Variants in SLC31A1 observed in about 807,000 individuals in gnomAD.
The protein encoded by SLC31A1 is high affinity copper uptake protein 1.
Under a neutral mutation model 17.2 loss-of-function variants are expected in SLC31A1, and 5 were observed. That is an observed-to-expected ratio of 0.29 (90% confidence interval 0.15 to 0.61). The LOEUF (loss-of-function observed/expected upper bound fraction) is 0.61, where lower values mean the gene tolerates loss of function less well. SLC31A1 is among the 20% of genes least tolerant of loss of function. SLC31A1 has a pLI of 0.86. For synonymous variants in SLC31A1, 76 were observed against 78.8 expected (o/e 0.96, Z 0.19); for missense variants, 161 against 241.4 (o/e 0.67, Z 2.21).
chr9:113,230,064 G>A (rs1225993122), intron 1 of SLC31A1, among the ~76,000 whole-genome samples: 6 of 152,218 alleles, frequency 3.9e-5, no homozygotes, highest in Admixed American at 6.5e-5. Flanking sequence ...AATTTATGTA[G>A]GGAGTGAAGA....
intron 1 of SLC31A1, among the ~76,000 whole-genome samples, chr9:113,229,326 C>T (rs1411471511): frequency 3.3e-5 from 5 of 152,202 alleles, no homozygotes; most frequent in Non-Finnish European, 7.3e-5. Flanking sequence ...TTCCCCCCAA[C>T]TCCCCTGCAG....
intron 1 of SLC31A1, among the ~76,000 whole-genome samples, chr9:113,244,103 C>T (rs1312909042): frequency 1.0e-4 from 14 of 134,960 alleles, no homozygotes; most frequent in Non-Finnish European, 2.0e-4. Flanking sequence ...TTCAGTGAGC[C>T]GAGATCATAC....
chr9:113,226,273 G>C (rs1175896419), intron 1 of SLC31A1, among the ~76,000 whole-genome samples: 3 of 152,136 alleles, frequency 2.0e-5, no homozygotes, highest in African/African-American at 7.2e-5. Context: ...AGGCCTGACT[G>C]GGGAAAAGGG....
intron 1 of SLC31A1, among the ~76,000 whole-genome samples, chr9:113,237,973 C>T (rs10081797): frequency 0.32 from 49,122 of 152,068 alleles, 8,068 homozygotes; most frequent in African/African-American, 0.35. Flanking sequence ...CATTGCTGAG[C>T]TCTCACAGAG....
intron 1 of SLC31A1, among the ~76,000 whole-genome samples, chr9:113,228,870 G>A (rs1003652322): frequency 6.6e-6 from 1 of 152,030 alleles, no homozygotes; most frequent in Non-Finnish European, 1.5e-5. Flanking sequence ...TTTTGAGTTG[G>A]AGTTTCGCTC....
Position 113,238,506 on chromosome 9 carries a change from A to C in SLC31A1, c.-36+16828A>C, listed in dbSNP as rs367880456. ...GCTGGGTGCGGTGGTTCACACCTTA[A>C]ATCCCAGCACTTTGAGGGGCCGAGG... On this transcript the variant is annotated intron_variant, in intron 1 of 4. Transcript: ENST00000374212. Among the ~76,000 whole-genome samples the C allele has an allele frequency of 1.1e-4, 17 of 152,318 alleles. No homozygotes were observed. In the East Asian group the frequency reaches 3.1e-3, roughly 28 times the overall value.
At chr9:113,237,355 G>A (rs1363140187) in intron 1 of SLC31A1, among the ~76,000 whole-genome samples, 1 of 152,150 alleles carries the variant, frequency 6.6e-6, no homozygotes, top group Non-Finnish European at 1.5e-5. Context: ...AGAGCACTAG[G>A]ATAGCTTGAC....
At position 113,258,882 on chromosome 9, in the gene SLC31A1, A is replaced by G. The variant is rs748486322; in HGVS notation, c.371+20A>G. 6 of 1,613,140 alleles carry G rather than the reference A, an allele frequency of 3.7e-6. No individual in the cohort carries two copies. The highest frequency in any genetic ancestry group is 5.1e-6 in the Non-Finnish European group (6 of 1,179,154). On this transcript the variant is annotated intron_variant, in intron 4 of 4. Transcript: ENST00000374212. This position sits in a 1 kb window ranked among gnomAD's most constrained non-coding sequence, Gnocchi z 4.8. ...TGTTGGGTAAGAACTGAACAGATCC[A>G]GATGAAGTCCTAAAGAACTCGATCA...
intron 1 of SLC31A1, among the ~76,000 whole-genome samples, chr9:113,230,470 G>A (rs903962106): frequency 2.6e-5 from 4 of 152,152 alleles, no homozygotes; most frequent in African/African-American, 9.7e-5. Flanking sequence ...TGTTGCCCGG[G>A]CTGGTCTTGA....
At position 113,261,993 on chromosome 9, in the gene SLC31A1, A is replaced by G. The variant is rs146388664; in HGVS notation, c.*1520A>G. On this transcript the variant is annotated 3_prime_UTR_variant, in exon 5 of 5. Transcript: ENST00000374212. ...CACACATGTGTGAAGGGCTATAGCC[A>G]AAGTATTTTTACTAGCCTGTATGAA... 27 of 152,824 alleles carry G rather than the reference A, an allele frequency of 1.8e-4. No individual in the cohort carries two copies. The highest frequency in any genetic ancestry group is 4.8e-4 in the African/African-American group (20 of 41,600). 9.5% of individuals were successfully genotyped at this position (152,824 alleles called of 1,614,324 possible).
At chr9:113,228,265 C>T (rs559112513) in intron 1 of SLC31A1, among the ~76,000 whole-genome samples, 4 of 152,186 alleles carry the variant, frequency 2.6e-5, no homozygotes, top group East Asian at 3.9e-4. Flanking sequence ...GCACAGTTAG[C>T]GGACTGGAAG....
chr9:113,247,684 C>T (rs994843084), intron 1 of SLC31A1, among the ~76,000 whole-genome samples: 20 of 152,118 alleles, frequency 1.3e-4, no homozygotes, highest in Admixed American at 1.2e-3. Flanking sequence ...ACACTCTTGA[C>T]TATAAGGAGG....
At chr9:113,230,610 T>C (rs1052466172) in intron 1 of SLC31A1, among the ~76,000 whole-genome samples, 2 of 152,210 alleles carry the variant, frequency 1.3e-5, no homozygotes, top group African/African-American at 2.4e-5. Context: ...TGGGGTACAG[T>C]GTGATATTTT....
At chr9:113,260,126 C>G (rs1220196515) in intron 4 of SLC31A1, 146 bp from the exon 5 acceptor site, 5 of 729,480 alleles carry the variant, frequency 6.9e-6, no homozygotes, top group Non-Finnish European at 1.2e-5. Flanking sequence ...TTTCCATGGA[C>G]CAATCAAAGA....
chr9:113,242,062 G>A (rs531635449), intron 1 of SLC31A1, among the ~76,000 whole-genome samples: 40 of 152,288 alleles, frequency 2.6e-4, no homozygotes, highest in African/African-American at 3.8e-4. Flanking sequence ...GGTAGCGGGC[G>A]CCTGTAGTCC....
At chr9:113,222,393 C>T (rs1831290479) in intron 1 of SLC31A1, among the ~76,000 whole-genome samples, 1 of 152,168 alleles carries the variant, frequency 6.6e-6, no homozygotes, top group Non-Finnish European at 1.5e-5. Context: ...GCGGACTCCT[C>T]TGCCTCCAGT....
chr9:113,229,215 C>T (rs1831375809), intron 1 of SLC31A1, among the ~76,000 whole-genome samples: 1 of 152,180 alleles, frequency 6.6e-6, no homozygotes, highest in Admixed American at 6.6e-5. Flanking sequence ...CAAGGATATT[C>T]AGTGAAAAGT....
chr9:113,235,065 TGGGA>T (rs1564206937), intron 1 of SLC31A1, among the ~76,000 whole-genome samples: 1 of 152,188 alleles, frequency 6.6e-6, no homozygotes, highest in Non-Finnish European at 1.5e-5. Flanking sequence ...AGCCACAGAC[TGGGA>T]GAAGATATTT....
chr9:113,228,098 A>G (rs994788604), intron 1 of SLC31A1, among the ~76,000 whole-genome samples: 2 of 152,152 alleles, frequency 1.3e-5, no homozygotes, highest in African/African-American at 4.8e-5. Context: ...TGTTTTGCAA[A>G]TTTTGCAAAT....
Sources: allele counts gnomAD v4.1 joint callset (sites outside exome capture counted in the v4.1 genomes callset), GRCh38; gene constraint gnomAD v4.1.1; non-coding constraint Gnocchi (gnomAD v3.1); transcripts MANE v1.5; gene names NCBI Gene and HGNC (gene_info 2026-07-23, HGNC 2026-07-21).